PCDH15: variants seen among roughly 807,000 people sequenced by gnomAD.
PCDH15 encodes the protein protocadherin-15.
PCDH15 carries 129 observed loss-of-function variants against 178.5 expected under a neutral mutation model. That is an observed-to-expected ratio of 0.72 (90% CI 0.63 to 0.84). The LOEUF is 0.84. PCDH15 is among the 40% of genes least tolerant of loss of function. PCDH15 has a pLI of 0.00. For missense variants in PCDH15, 2,230 were observed against 2,099.9 expected, an observed-to-expected ratio of 1.06 and a Z score of -1.21; for synonymous variants, 800 against 732.0, an observed-to-expected ratio of 1.09 and a Z score of -1.50.
At chr10:54,033,881 TG>T (rs993114744) in intron 18 of PCDH15, among the ~76,000 whole-genome samples, 3 of 152,008 alleles carry the variant, frequency 2.0e-5, no homozygotes, top group African/African-American at 7.2e-5. Context: ...TCTAGTATTC[TG>T]TTGGGTTCAA....
chr10:54,635,685 T>A lies in PCDH15; in HGVS notation c.91+28487A>T, dbSNP rs184141163. Among the ~76,000 whole-genome samples, 978 of 151,854 alleles carry A rather than the reference T, an allele frequency of 6.4e-3. 16 individuals are homozygous for A. Among genetic ancestry groups the A allele is most frequent in the African/African-American group, 0.022 (925 of 41,514 alleles). The stretch of plus-strand genomic sequence containing the variant: ...CATCAGAAGCCTAAAATAAGAAAAA[T>A]TATATATTGTTATTCACTCTCAATG... On this transcript the variant is annotated intron_variant, in intron 2 of 37. Coordinates refer to ENST00000644397, the MANE Select transcript of PCDH15 (RefSeq NM_001384140.1).
chr10:54,779,516 A>ATATATATATACACACATATATGTGTGTC (rs1566223765), intron 1 of PCDH15, among the ~76,000 whole-genome samples: 1 of 140,588 alleles, frequency 7.1e-6, no homozygotes. Context: ...ATATGTGTGT[A>ATATATATATACACACATATATGTGTGTC]TATATATATA....
chr10:54,455,325 G>T (rs2076746169), intron 3 of PCDH15, among the ~76,000 whole-genome samples: 1 of 152,186 alleles, frequency 6.6e-6, no homozygotes, highest in Non-Finnish European at 1.5e-5. Context: ...ACAGGCAGAG[G>T]CTGGAAAAGT....
chr10:53,888,285 T>TATATATATATATATAC, intron 26 of PCDH15, among the ~76,000 whole-genome samples: 1 of 54,876 alleles, frequency 1.8e-5, no homozygotes, highest in Non-Finnish European at 2.9e-5. Flanking sequence ...TCCAACACTA[T>TATATATATATATATAC]ATATACATAT....
At chr10:54,001,399 G>C (rs1455313471) in intron 20 of PCDH15, among the ~76,000 whole-genome samples, 2 of 151,888 alleles carry the variant, frequency 1.3e-5, no homozygotes, top group African/African-American at 4.8e-5. Flanking sequence ...GTAAAATAAG[G>C]TATAAATAGA....
intron 1 of PCDH15, among the ~76,000 whole-genome samples, chr10:55,277,477 T>A (rs544176879): frequency 3.3e-5 from 5 of 152,148 alleles, no homozygotes; most frequent in African/African-American, 4.8e-5. Flanking sequence ...CTTACAAAAA[T>A]TTTTTCTTCC....
At chr10:54,980,996 T>C (rs535288660) in intron 2 of PCDH15, among the ~76,000 whole-genome samples, 66 of 152,178 alleles carry the variant, frequency 4.3e-4, no homozygotes, top group East Asian at 2.3e-3. Flanking sequence ...CCAAGTTCAT[T>C]TGGGCCACTT....
At chr10:54,689,172 T>A (rs553064387) in intron 1 of PCDH15, among the ~76,000 whole-genome samples, 1 of 152,160 alleles carries the variant, frequency 6.6e-6, no homozygotes, top group African/African-American at 2.4e-5. Context: ...TCTGATATTA[T>A]TATTAATATA....
At chr10:54,678,349 T>G (rs1355042319) in intron 1 of PCDH15, among the ~76,000 whole-genome samples, 1 of 152,206 alleles carries the variant, frequency 6.6e-6, no homozygotes, top group Non-Finnish European at 1.5e-5. Context: ...ATTCCCAGGT[T>G]AAAGTCATTT....
intron 1 of PCDH15, among the ~76,000 whole-genome samples, chr10:55,291,426 A>G (rs1371426492): frequency 6.6e-6 from 1 of 152,226 alleles, no homozygotes; most frequent in East Asian, 1.9e-4. Flanking sequence ...GTTAAGCCAG[A>G]GTTTCAAGAA....
intron 1 of PCDH15, among the ~76,000 whole-genome samples, chr10:55,242,702 G>A (rs199610623): frequency 0.019 from 2,199 of 113,014 alleles, 56 homozygotes; most frequent in African/African-American, 0.069. Context: ...GAAAAAAAAA[G>A]TAGCTGGGCA....
At chr10:54,293,692 A>G (rs2059569944) in intron 8 of PCDH15, among the ~76,000 whole-genome samples, 1 of 152,256 alleles carries the variant, frequency 6.6e-6, no homozygotes, top group Non-Finnish European at 1.5e-5. Flanking sequence ...GAAGACATTT[A>G]TGCAGCCAAC....
At chr10:55,092,568 T>C (rs898999627) in intron 2 of PCDH15, among the ~76,000 whole-genome samples, 2 of 151,924 alleles carry the variant, frequency 1.3e-5, no homozygotes, top group Non-Finnish European at 2.9e-5. Context: ...AAAAGAGTCC[T>C]ATCACATTTG....
intron 2 of PCDH15, among the ~76,000 whole-genome samples, chr10:54,910,318 A>C (rs1399878091): frequency 6.6e-6 from 1 of 152,200 alleles, no homozygotes; most frequent in African/African-American, 2.4e-5. Flanking sequence ...TTCCTGAGCA[A>C]AAAACTCCAT....
rs554074914 is a variant in PCDH15, at chr10:55,167,423, T to C, written c.-155-772A>G. 5.6e-4 allele frequency among the ~76,000 whole-genome samples: 86 copies of C among 152,270 alleles called. 1 individual carries two copies. The highest frequency in any genetic ancestry group is 3.4e-3 in the Admixed American group (52 of 15,266). On this transcript the variant is annotated intron_variant, in intron 1 of 5. Coordinates refer to the PCDH15 transcript ENST00000458638. Reference sequence around the variant, plus strand: ...GAGTCACCCAGCAATACAGCACTTTTGGATTTCAAAATTTTATACTATACC... The same window carrying C: ...GAGTCACCCAGCAATACAGCACTTTCGGATTTCAAAATTTTATACTATACC...
In PCDH15 at chr10:54,577,610, A is replaced by C. The variant is rs2090616913; in HGVS notation, c.92-49733T>G. ...ACTCCACGAAAATCCAGAATAATTA[A>C]ATTAAAAACAAAAGTTCAAGGCAAA... is the stretch of plus-strand genomic sequence containing the variant. On this transcript the variant is annotated intron_variant, in intron 2 of 37. Transcript: ENST00000644397. Among the ~76,000 whole-genome samples the C allele has an allele frequency of 5.3e-5, 8 of 152,210 alleles. 1 individual carries two copies. The South Asian group carries it at 1.7e-3, about 32-fold the overall frequency.
At chr10:55,448,744 A>G (rs967388810) in intron 2 of PCDH15, among the ~76,000 whole-genome samples, 1 of 152,056 alleles carries the variant, frequency 6.6e-6, no homozygotes, top group African/African-American at 2.4e-5. Context: ...ATAGTTGGAA[A>G]AGTAATTTAT....
At chr10:54,294,402 GT>G (rs1289313869) in intron 8 of PCDH15, among the ~76,000 whole-genome samples, 3 of 152,056 alleles carry the variant, frequency 2.0e-5, no homozygotes, top group African/African-American at 4.8e-5. Context: ...AACATGCCAC[GT>G]GTATACCTAT....
intron 2 of PCDH15, among the ~76,000 whole-genome samples, chr10:55,527,849 G>T (rs1177441527): frequency 3.3e-5 from 5 of 151,840 alleles, no homozygotes; most frequent in African/African-American, 4.8e-5. Flanking sequence ...TTCAATAATA[G>T]GTATTGTTTT....
Sources: allele counts gnomAD v4.1 joint callset (sites outside exome capture counted in the v4.1 genomes callset), GRCh38; gene constraint gnomAD v4.1.1; transcripts MANE v1.5; gene names NCBI Gene and HGNC (gene_info 2026-07-23, HGNC 2026-07-21).